Variants in IL16 observed in about 807,000 individuals in gnomAD.
IL16 encodes interleukin 16.
IL16 carries 67 observed loss-of-function variants against 110.1 expected under a neutral mutation model. The ratio of observed to expected loss-of-function variants is 0.61; its 90% CI spans 0.50 to 0.75. The LOEUF is 0.75. Among genes scored for constraint, IL16 ranks in the 30% least tolerant of loss-of-function variants. The pLI, the probability that IL16 is intolerant of heterozygous loss-of-function variation, is 0.00. For missense variants in IL16, 1,545 were observed against 1,655.0 expected (o/e 0.93, Z 1.15); for synonymous variants, 689 against 662.9 (o/e 1.04, Z -0.61).
At chr15:81,218,946 T>C (rs1243102920) in intron 1 of IL16, among the ~76,000 whole-genome samples, 1 of 149,832 alleles carries the variant, frequency 6.7e-6, no homozygotes, top group South Asian at 2.1e-4. Flanking sequence ...TTTTTTTTTT[T>C]AGTCCATACT....
chr15:81,280,009 A>G (rs974192815), intron 8 of IL16, among the ~76,000 whole-genome samples: 13 of 152,236 alleles, frequency 8.5e-5, no homozygotes, highest in African/African-American at 3.1e-4. Flanking sequence ...AAACAAAGCA[A>G]AGAAAAACTC....
intron 1 of IL16, among the ~76,000 whole-genome samples, chr15:81,224,417 G>A (rs1308302603): frequency 1.3e-5 from 2 of 152,162 alleles, no homozygotes; most frequent in South Asian, 4.1e-4. Context: ...TCCATGGGAG[G>A]CTCCTCTTGG....
intron 16 of IL16, 72 bp from the exon 17 acceptor site, chr15:81,305,809 AAATCCTCTAGCATTGACTAACCGGTTC>A: frequency 6.9e-7 from 1 of 1,450,178 alleles, no homozygotes; most frequent in Non-Finnish European, 9.3e-7. Flanking sequence ...GTTGGCCTAA[AAATCCTCTAGCATTGACTAACCGGTTC>A]AATCCTCCTC....
intron 2 of IL16, among the ~76,000 whole-genome samples, chr15:81,254,342 A>G (rs958620097): frequency 3.9e-5 from 6 of 152,306 alleles, no homozygotes; most frequent in African/African-American, 1.4e-4. Context: ...GCAGGACACA[A>G]TGCCCCAGAA....
chr15:81,300,599 C>A, intron 14 of IL16, 124 bp downstream of exon 14: 1 of 617,390 alleles, frequency 1.6e-6, no homozygotes, highest in Non-Finnish European at 2.7e-6. Context: ...AAGAATTGTT[C>A]TGCCTCTTTC....
chr15:81,242,329 G>T (rs1232065912), intron 2 of IL16, among the ~76,000 whole-genome samples: 2 of 152,170 alleles, frequency 1.3e-5, no homozygotes, highest in Admixed American at 1.3e-4. Flanking sequence ...AGTTTGGGAA[G>T]AATTAATCTT....
intron 1 of IL16, among the ~76,000 whole-genome samples, chr15:81,185,559 T>C (rs1895407801): frequency 1.3e-5 from 2 of 152,124 alleles, no homozygotes; most frequent in Non-Finnish European, 2.9e-5. Context: ...CTTCCTATGT[T>C]GCTCAGGCTG....
chr15:81,204,322 C>T (rs896155703), intron 1 of IL16, among the ~76,000 whole-genome samples: 2 of 151,954 alleles, frequency 1.3e-5, no homozygotes, highest in African/African-American at 4.8e-5. Flanking sequence ...ATTTCCTTCT[C>T]CTGCCTAATT....
chr15:81,240,828 A>C (rs148807925), intron 2 of IL16, among the ~76,000 whole-genome samples: 7 of 152,128 alleles, frequency 4.6e-5, no homozygotes, highest in Admixed American at 1.3e-4. Flanking sequence ...CCTTTCCTTT[A>C]TACTTTATGC....
intron 9 of IL16, among the ~76,000 whole-genome samples, chr15:81,283,239 G>A (rs984023249): frequency 5.3e-5 from 8 of 152,204 alleles, no homozygotes; most frequent in Non-Finnish European, 1.2e-4. Context: ...GGGCTGGGCC[G>A]GGAGGCAGAG....
intron 10 of IL16, among the ~76,000 whole-genome samples, chr15:81,288,829 A>ATGTGTATGTGTG (rs61227218): frequency 7.1e-6 from 1 of 140,864 alleles, no homozygotes; most frequent in South Asian, 2.6e-4. Flanking sequence ...TAGTATGTGT[A>ATGTGTATGTGTG]TGTGTGTGTG....
chr15:81,217,768 A>G (rs965937214), intron 1 of IL16, among the ~76,000 whole-genome samples: 5 of 152,222 alleles, frequency 3.3e-5, no homozygotes, highest in African/African-American at 1.2e-4. Context: ...TGACAAATCA[A>G]AAGAGGAAAG....
chr15:81,243,103 T>A (rs1271145242), intron 2 of IL16, among the ~76,000 whole-genome samples: 1 of 141,424 alleles, frequency 7.1e-6, no homozygotes, highest in African/African-American at 2.6e-5. Flanking sequence ...TATTGATGAA[T>A]TCAATTTGCT....
rs1900560056 is a variant in IL16 at position 81,306,389 on chromosome 15, A to T, written c.3680-31A>T. 1.9e-6 allele frequency: 3 copies of T among 1,611,246 alleles called. No individual in the cohort carries two copies. The East Asian group carries it at 6.7e-5, about 36-fold the overall frequency. On this transcript the variant is annotated intron_variant, in intron 17 of 18. Coordinates refer to ENST00000683961, the MANE Select transcript of IL16 (RefSeq NM_172217.5). ...CATCTGTGGCCTGGGAGAGGAGAGG[A>T]TCCCTAACAGAGACCTTGTGTTTTT... is the stretch of plus-strand genomic sequence containing the variant.
At chr15:81,287,763 A>G (rs1401386100) in intron 10 of IL16, among the ~76,000 whole-genome samples, 6 of 152,242 alleles carry the variant, frequency 3.9e-5, no homozygotes, top group South Asian at 4.1e-4. Flanking sequence ...AGGGAAATCA[A>G]TATATAATGG....
chr15:81,265,580 G>A (rs1262266879), intron 3 of IL16, 79 bp from the exon 4 acceptor site: 1 of 1,508,368 alleles, frequency 6.6e-7, no homozygotes, highest in East Asian at 2.3e-5. Context: ...GGCTAATGAG[G>A]GGCTGATATT....
chr15:81,222,872 C>T (rs1040726774), intron 1 of IL16, among the ~76,000 whole-genome samples: 5 of 151,878 alleles, frequency 3.3e-5, no homozygotes, highest in South Asian at 2.1e-4. Flanking sequence ...ATATTTATAG[C>T]GACATTTGTG....
intron 1 of IL16, among the ~76,000 whole-genome samples, chr15:81,201,199 C>A (rs778825061): frequency 6.6e-6 from 1 of 151,612 alleles, no homozygotes; most frequent in Non-Finnish European, 1.5e-5. Context: ...AGAAATATAT[C>A]TAAAAATAAT....
At chr15:81,197,638 C>A (rs759020119) in intron 1 of IL16, among the ~76,000 whole-genome samples, 6 of 152,170 alleles carry the variant, frequency 3.9e-5, no homozygotes, top group Non-Finnish European at 5.9e-5. Flanking sequence ...AAAGTGTTCA[C>A]TCTGCTTGCT....
Sources: allele counts gnomAD v4.1 joint callset (sites outside exome capture counted in the v4.1 genomes callset), GRCh38; gene constraint gnomAD v4.1.1; transcripts MANE v1.5; gene names NCBI Gene and HGNC (gene_info 2026-07-23, HGNC 2026-07-21).